The following MDN1 variants were observed in gnomAD, a reference collection of about 807,000 sequenced individuals.
MDN1 encodes the protein midasin.
Under a neutral mutation model 669.2 loss-of-function variants are expected in MDN1, and 266 were observed. The observed-to-expected ratio is 0.40, with a 90% CI of 0.36 to 0.44. The LOEUF is 0.44. MDN1 is among the 20% of genes least tolerant of loss of function. The pLI is 1.00. For missense variants in MDN1, 5,940 were observed against 6,754.0 expected (o/e 0.88, Z 4.22); for synonymous variants, 2,385 against 2,457.1 (o/e 0.97, Z 0.87).
intron 15 of MDN1, among the ~76,000 whole-genome samples, chr6:89,763,048 G>A (rs1481154680): frequency 6.6e-6 from 1 of 151,898 alleles, no homozygotes; most frequent in Non-Finnish European, 1.5e-5. Context: ...GCCAGACCCT[G>A]TCTCAAAAAA....
In MDN1 at chr6:89,692,629, A is replaced by C. The variant is rs1290336686; in HGVS notation, c.10401T>G (p.Val3467=). 6.2e-7 allele frequency: 1 copy of C among 1,614,232 alleles called. No homozygotes were observed. Among genetic ancestry groups the C allele is most frequent in the South Asian group, 1.1e-5 (1 of 91,082 alleles). ...DTLCSVKSEE[V]LRGLGKLILK... The stretch of plus-strand genomic sequence containing the variant: ...GGATTAGCTTCCCAAGGCCTCGTAG[A>C]ACCTCCTCAGACTTCACCGAGCACA... Residue 3467 remains valine, a synonymous_variant, in exon 63 of 102, where the codon GTT becomes GTG. Transcript: ENST00000369393.
intron 67 of MDN1, among the ~76,000 whole-genome samples, chr6:89,687,731 C>T (rs189084727): frequency 7.9e-5 from 12 of 152,140 alleles, no homozygotes; most frequent in Non-Finnish European, 1.8e-4. Context: ...CGGCCCTTTT[C>T]TGTCCAATGG....
intron 73 of MDN1, among the ~76,000 whole-genome samples, chr6:89,682,771 C>G (rs1270683803): frequency 3.5e-5 from 4 of 115,032 alleles, no homozygotes; most frequent in Non-Finnish European, 5.4e-5. Context: ...GAGACCTCAT[C>G]TCTACAAAAA....
intron 81 of MDN1, 45 bp downstream of exon 81, chr6:89,672,502 A>T: frequency 6.3e-7 from 1 of 1,598,180 alleles, no homozygotes; most frequent in Non-Finnish European, 8.5e-7. Context: ...AAATACAAAA[A>T]TTAAATCAGG....
chr6:89,736,063 G>A (rs921866867), intron 33 of MDN1, among the ~76,000 whole-genome samples: 1 of 152,150 alleles, frequency 6.6e-6, no homozygotes, highest in Non-Finnish European at 1.5e-5. Flanking sequence ...AAAAAGCTTT[G>A]TCTAGTTTCC....
rs1584301882 is a variant in MDN1, at chr6:89,743,658, T to G, written c.4235A>C (p.Tyr1412Ser). Residue 1412 changes from tyrosine to serine, a missense_variant, in exon 30 of 102, where the codon TAC (tyrosine) becomes TCC (serine). Around this residue, in one of 5 missense-constraint regions of MDN1, gnomAD observed 2,292 missense variants for 2,638.3 expected, o/e 0.87. Coordinates refer to ENST00000369393, the MANE Select transcript of MDN1 (RefSeq NM_014611.3). ...CATGTGTAAGTGGCAGCTGACAGAG[T>G]ATAATTTCTGATTTGCCAAGGCTGC... is the stretch of plus-strand genomic sequence containing the variant. ...VFAALANQKL[Y>S]SVSCHLHMET... is the part of the protein sequence containing the mutation. The G allele has an allele frequency of 6.2e-7, 1 of 1,613,910 alleles. No individual in the cohort carries two copies.
chr6:89,706,285 T>C, intron 52 of MDN1, 93 bp from the exon 53 acceptor site: 2 of 1,365,758 alleles, frequency 1.5e-6, no homozygotes, highest in East Asian at 5.0e-5. Context: ...AGAATTTAAA[T>C]GTTATCCCCA....
intron 49 of MDN1, 32 bp downstream of exon 49, chr6:89,712,004 C>T (rs1364631980): frequency 1.3e-6 from 2 of 1,554,916 alleles, no homozygotes; most frequent in Non-Finnish European, 1.8e-6. Flanking sequence ...ATATAAATCA[C>T]ATCAGTGGAC....
Position 89,694,064 on chromosome 6 carries a change from G to C in MDN1, c.9881+10C>G, listed in dbSNP as rs928012800. 7 of 1,602,762 alleles carry C rather than the reference G, an allele frequency of 4.4e-6. No individual in the cohort carries two copies. In the Admixed American group the frequency reaches 6.7e-5, roughly 15 times the overall value. Reference sequence around the variant, plus strand: ...AATCCCCAAAACAAATAATCACTCTGCTGTGTTACCTGACGTGAGGATGAG... The same window carrying C: ...AATCCCCAAAACAAATAATCACTCTCCTGTGTTACCTGACGTGAGGATGAG... On this transcript the variant is annotated intron_variant, in intron 62 of 101. Transcript: ENST00000369393.
At chr6:89,816,327 G>C (rs530003263) in intron 1 of MDN1, among the ~76,000 whole-genome samples, 2 of 152,096 alleles carry the variant, frequency 1.3e-5, no homozygotes, top group Admixed American at 6.6e-5. Flanking sequence ...TTGAACCCAG[G>C]GGGCAGAGGT....
At chr6:89,688,291 T>C (rs564667284) in intron 66 of MDN1, 118 bp from the exon 67 acceptor site, 1 of 937,184 alleles carries the variant, frequency 1.1e-6, no homozygotes, top group East Asian at 2.5e-5. Flanking sequence ...AAAACACCTC[T>C]GAAAAAAAAA....
Position 89,718,440 on chromosome 6 carries a change from A to C in MDN1, c.6509T>G (p.Ile2170Ser). ...TAACACTGCTTCTAGTTTGTTGACA[A>C]TCTCCATCGTGATAGCTTTACCACC... ...GEGGKAITME[I>S]VNKLEAVLLL... The change falls in exon 43 of 102, where the codon ATT becomes AGT. Residue 2170 changes from isoleucine to serine, a missense_variant. Coordinates refer to ENST00000369393, the MANE Select transcript of MDN1 (RefSeq NM_014611.3). 6 of 1,614,114 alleles carry C rather than the reference A, an allele frequency of 3.7e-6. No individual in the cohort carries two copies. Among genetic ancestry groups the C allele is most frequent in the South Asian group, 1.1e-5 (1 of 91,076 alleles).
chr6:89,710,005 A>G (rs1302191710), intron 50 of MDN1, among the ~76,000 whole-genome samples: 7 of 152,090 alleles, frequency 4.6e-5, no homozygotes. Context: ...GACTTACACA[A>G]TCCTCCTCTC....
chr6:89,774,617 T>C lies in MDN1; in HGVS notation c.1934+4A>G. 2 of 1,607,958 alleles carry C rather than the reference T, an allele frequency of 1.2e-6. No individual in the cohort carries two copies. Among genetic ancestry groups the C allele is most frequent in the Non-Finnish European group, 1.7e-6 (2 of 1,174,568 alleles). ...TTGGCAGCTTAGTTTAGAGCCCTACTTACCTCTGTAGGTGAACAGCCTCAC... is the reference window on the plus strand; with the variant it reads ...TTGGCAGCTTAGTTTAGAGCCCTACCTACCTCTGTAGGTGAACAGCCTCAC... On this transcript the variant is annotated splice_donor_region_variant and intron_variant, in intron 13 of 101. Coordinates refer to ENST00000369393, the MANE Select transcript of MDN1 (RefSeq NM_014611.3).
At chr6:89,669,270 C>T (rs576660904) in intron 83 of MDN1, among the ~76,000 whole-genome samples, 219 of 152,336 alleles carry the variant, frequency 1.4e-3, no homozygotes, top group Non-Finnish European at 2.8e-3. Flanking sequence ...CACACATTTT[C>T]CTGCCACTAT....
intron 30 of MDN1, 131 bp from the exon 31 acceptor site, chr6:89,743,411 A>T: frequency 7.3e-7 from 1 of 1,375,028 alleles, no homozygotes; most frequent in African/African-American, 1.5e-5. Flanking sequence ...CAGGAGATAG[A>T]ACTTGCACAC....
rs760125269 is a variant in MDN1 at position 89,719,204 on chromosome 6, C to T, written c.5989G>A (p.Val1997Met). Residue 1997 changes from valine to methionine, a missense_variant, in exon 41 of 102, where the codon GTG becomes ATG. Transcript: ENST00000369393. ...TATGGGTTGGAATTTGAACCAAACACATCCTTGAATACAGCAATGACCTAA... is the reference window on the plus strand; with the variant it reads ...TATGGGTTGGAATTTGAACCAAACATATCCTTGAATACAGCAATGACCTAA... ...KKKVIAVFKD[V>M]FGSNSNPYMG... 6.2e-7 allele frequency: 1 copy of T among 1,613,430 alleles called. No individual in the cohort carries two copies. Among genetic ancestry groups the T allele is most frequent in the South Asian group, 1.1e-5 (1 of 91,064 alleles).
At chr6:89,649,605 G>C (rs985727925) in intron 97 of MDN1, among the ~76,000 whole-genome samples, 1 of 152,084 alleles carries the variant, frequency 6.6e-6, no homozygotes, top group Admixed American at 6.5e-5. Context: ...ATGTATCCTA[G>C]ATACCTACCT....
In MDN1 at chr6:89,653,634, A is replaced by G. The variant is rs577997956; in HGVS notation, c.15662-479T>C. Among the ~76,000 whole-genome samples, 149 of 152,336 alleles carry G rather than the reference A, an allele frequency of 9.8e-4. 2 individuals are homozygous for G. Among genetic ancestry groups the G allele is most frequent in the African/African-American group, 3.3e-3 (136 of 41,574 alleles). ...GTTCTAACGCTCCTGAGAGGACAGG[A>G]ACTAAGCAGAAGAAAAAGCCTCTGA... On this transcript the variant is annotated intron_variant, in intron 93 of 101. Transcript: ENST00000369393.
Sources: allele counts gnomAD v4.1 joint callset (sites outside exome capture counted in the v4.1 genomes callset), GRCh38; gene constraint gnomAD v4.1.1; regional missense constraint gnomAD v4.1.1; transcripts MANE v1.5; gene names NCBI Gene and HGNC (gene_info 2026-07-23, HGNC 2026-07-21).